Variants in ATP2B2 observed in about 807,000 individuals in gnomAD.
ATP2B2 encodes the protein ATPase plasma membrane Ca2+ transporting 2.
Under a neutral mutation model 120.0 loss-of-function variants are expected in ATP2B2, and 15 were observed. The observed-to-expected ratio is 0.12, with a 90% CI of 0.08 to 0.19. The LOEUF is 0.19. ATP2B2 is among the 10% of genes least tolerant of loss of function. The pLI, the probability that ATP2B2 is intolerant of heterozygous loss-of-function variation, is 1.00. For missense variants in ATP2B2, 1,045 were observed against 1,719.8 expected (o/e 0.61, Z 6.94); for synonymous variants, 694 against 700.3 (o/e 0.99, Z 0.14).
chr3:10,698,139 G>A (rs1325879488), intron 1 of ATP2B2, among the ~76,000 whole-genome samples: 2 of 152,150 alleles, frequency 1.3e-5, no homozygotes, highest in Non-Finnish European at 2.9e-5. Flanking sequence ...CTCATTCCTC[G>A]GCCATGATTG....
intron 2 of ATP2B2, among the ~76,000 whole-genome samples, chr3:10,589,245 T>C (rs1167943525): frequency 6.6e-6 from 1 of 152,200 alleles, no homozygotes; most frequent in Non-Finnish European, 1.5e-5. Context: ...AGAGAGGCTG[T>C]CAGAGTCCTA....
At chr3:10,453,121 G>A (rs1409894224) in intron 1 of ATP2B2, among the ~76,000 whole-genome samples, 2 of 152,194 alleles carry the variant, frequency 1.3e-5, no homozygotes, top group East Asian at 1.9e-4. Context: ...TCTCAGAGAC[G>A]CTGCAAGGCG....
At chr3:10,694,439 A>T (rs1018183478) in intron 1 of ATP2B2, among the ~76,000 whole-genome samples, 5 of 152,184 alleles carry the variant, frequency 3.3e-5, no homozygotes, top group African/African-American at 1.2e-4. Flanking sequence ...TAGGACTGGC[A>T]TTTTGCACTC....
chr3:10,345,192 G>A (rs963664691), intron 18 of ATP2B2, among the ~76,000 whole-genome samples, 192 bp downstream of exon 18: 23 of 152,168 alleles, frequency 1.5e-4, no homozygotes, highest in Non-Finnish European at 5.9e-5. Flanking sequence ...TCATGTCCTC[G>A]ACTCCCCTGG....
intron 1 of ATP2B2, among the ~76,000 whole-genome samples, chr3:10,653,111 T>C (rs2070511391): frequency 6.6e-6 from 1 of 152,090 alleles, no homozygotes; most frequent in African/African-American, 2.4e-5. Flanking sequence ...GTATCCCACC[T>C]CAATAAAAAA....
At chr3:10,506,132 A>G (rs1299749029), upstream of ATP2B2, among the ~76,000 whole-genome samples, 2 of 152,108 alleles carry the variant, frequency 1.3e-5, no homozygotes, top group Non-Finnish European at 2.9e-5. Context: ...CAAAGGGGCA[A>G]AGGTCGCAAA....
At position 10,401,028 on chromosome 3, in the gene ATP2B2, T is replaced by G; in HGVS notation, c.706A>C (p.Ile236Leu). The change falls in exon 5 of 23, where the codon ATT becomes CTT. Residue 236 changes from isoleucine (I) to leucine (L), a missense_variant. Coordinates refer to ENST00000360273, the MANE Select transcript of ATP2B2 (RefSeq NM_001001331.4). The part of the protein sequence containing the change: ...GLFIQGNDLK[I>L]DESSLTGESD... ...TCTCCAGTTAGGGAGCTTTCATCAA[T>G]CTTGAGGTCATTGCCCTGGATGAAG... 5 of 1,614,124 alleles carry G rather than the reference T, an allele frequency of 3.1e-6. No homozygotes were observed. Among genetic ancestry groups the G allele is most frequent in the Non-Finnish European group, 4.2e-6 (5 of 1,180,022 alleles).
intron 2 of ATP2B2, among the ~76,000 whole-genome samples, chr3:10,564,830 A>G (rs753796003): frequency 3.9e-5 from 6 of 152,188 alleles, no homozygotes; most frequent in Non-Finnish European, 8.8e-5. Flanking sequence ...ATTCCCAGAT[A>G]GGACAGATTT....
At chr3:10,695,519 T>C (rs2071730092) in intron 1 of ATP2B2, among the ~76,000 whole-genome samples, 1 of 152,106 alleles carries the variant, frequency 6.6e-6, no homozygotes, top group Non-Finnish European at 1.5e-5. Flanking sequence ...GCTTGCTCTC[T>C]CTCTCTCATA....
chr3:10,479,581 C>T (rs1477197022), intron 1 of ATP2B2, among the ~76,000 whole-genome samples: 3 of 152,010 alleles, frequency 2.0e-5, no homozygotes, highest in Non-Finnish European at 4.4e-5. Context: ...ACCTCCTAGG[C>T]CCAGACTCTG....
chr3:10,465,898 C>T (rs1479119005), intron 1 of ATP2B2, among the ~76,000 whole-genome samples: 1 of 152,214 alleles, frequency 6.6e-6, no homozygotes, highest in African/African-American at 2.4e-5. Context: ...TCCCTAACCA[C>T]CAGGTCCTTT....
intron 10 of ATP2B2, among the ~76,000 whole-genome samples, chr3:10,376,604 G>T (rs113532854): frequency 7.4e-4 from 113 of 152,326 alleles, no homozygotes; most frequent in African/African-American, 2.6e-3. Context: ...GCTACTGCAG[G>T]TGCTGCGGAG....
chr3:10,474,768 G>A (rs1405081047), intron 1 of ATP2B2, among the ~76,000 whole-genome samples: 2 of 152,252 alleles, frequency 1.3e-5, no homozygotes, highest in African/African-American at 4.8e-5. Flanking sequence ...CCTCCCATGG[G>A]CAAAGGCAAA....
At chr3:10,631,247 C>T (rs1227298716) in intron 1 of ATP2B2, among the ~76,000 whole-genome samples, 1 of 152,186 alleles carries the variant, frequency 6.6e-6, no homozygotes, top group Non-Finnish European at 1.5e-5. Context: ...AGGCATAAAT[C>T]AGAAGAAAAA....
chr3:10,650,637 C>A (rs1372156724), intron 1 of ATP2B2, among the ~76,000 whole-genome samples: 6 of 152,180 alleles, frequency 3.9e-5, no homozygotes, highest in African/African-American at 1.4e-4. Context: ...TCACAGCAGC[C>A]CCTCCTATCA....
At chr3:10,492,099 T>C (rs2065955040) in intron 1 of ATP2B2, among the ~76,000 whole-genome samples, 1 of 152,246 alleles carries the variant, frequency 6.6e-6, no homozygotes, top group Non-Finnish European at 1.5e-5. Flanking sequence ...ATTTTTGTAA[T>C]TCAAATGACT....
intron 2 of ATP2B2, among the ~76,000 whole-genome samples, chr3:10,543,367 A>C (rs111762370): frequency 0.017 from 2,533 of 152,270 alleles, 26 homozygotes; most frequent in Middle Eastern, 0.086. Flanking sequence ...ATTATCTGAA[A>C]AGGCTATTAA....
intron 1 of ATP2B2, among the ~76,000 whole-genome samples, chr3:10,501,361 AT>A (rs1298565873): frequency 2.9e-5 from 4 of 137,360 alleles, no homozygotes; most frequent in Non-Finnish European, 6.2e-5. Context: ...AGCATAACCC[AT>A]TTTTTAAACG....
chr3:10,551,889 A>C (rs1459237823), intron 2 of ATP2B2, among the ~76,000 whole-genome samples: 2 of 152,222 alleles, frequency 1.3e-5, no homozygotes, highest in Admixed American at 6.5e-5. Flanking sequence ...CATGAAGTCT[A>C]GGCTGGGCCA....
Sources: allele counts gnomAD v4.1 joint callset (sites outside exome capture counted in the v4.1 genomes callset), GRCh38; gene constraint gnomAD v4.1.1; transcripts MANE v1.5; gene names NCBI Gene and HGNC (gene_info 2026-07-23, HGNC 2026-07-21).